The following PBX4 variants were observed in gnomAD, a reference collection of about 807,000 sequenced individuals.
The protein encoded by PBX4 is PBX homeobox 4.
In PBX4, 26 loss-of-function variants were observed where a neutral mutation model predicts 35.1. The ratio of observed to expected loss-of-function variants is 0.74; its 90% CI spans 0.54 to 1.03. PBX4 has a LOEUF of 1.03. Among genes scored for constraint, PBX4 ranks in the 50% least tolerant of loss-of-function variants. The probability of loss-of-function intolerance (pLI) is 0.00; values close to 1 mark genes in which losing one functional copy is unlikely to be tolerated. For synonymous variants in PBX4, 199 were observed against 204.2 expected (o/e 0.97, Z 0.22); for missense variants, 448 against 504.3 (o/e 0.89, Z 1.07).
chr19:19,569,469 C>T lies in PBX4; in HGVS notation c.748G>A (p.Gly250Ser). The T allele has an allele frequency of 6.2e-7, 1 of 1,612,140 alleles. No homozygotes were observed. Among genetic ancestry groups the T allele is most frequent in the Non-Finnish European group, 8.5e-7 (1 of 1,179,148 alleles). ...GTCACCTGGGAGATGGTGAGGCCGC[C>T]CTTCCTGGCCAGCTCTTCTTTGGCT... ...EEAKEELARK[G>S]GLTISQVSNW... Residue 250 changes from glycine (G) to serine (S), a missense_variant, in exon 5 of 8, where the codon GGC becomes AGC. Physicochemically the swap from Gly to Ser is moderately conservative, Grantham distance 56. Coordinates refer to ENST00000251203, the MANE Select transcript of PBX4 (RefSeq NM_025245.3).
rs757291376 is a variant in PBX4, at chr19:19,569,577, G to T, written c.640C>A (p.Arg214=). ...GTCGCCTGCTTGCTGAAATTCCGCC[G>T]CTTGCGCCTGCAAAAACAGCCGCCT... ...RSRLLDARRK[R]RNFSKQATEV... Residue 214 remains arginine (R), a synonymous_variant, in exon 5 of 8, where the codon CGG becomes AGG. Transcript: ENST00000251203. The T allele has an allele frequency of 6.2e-7, 1 of 1,612,942 alleles. No individual in the cohort carries two copies. The highest frequency in any genetic ancestry group is 1.3e-5 in the African/African-American group (1 of 74,972).
chr19:19,572,748 G>C (rs1430938142), intron 2 of PBX4, among the ~76,000 whole-genome samples: 1 of 151,528 alleles, frequency 6.6e-6, no homozygotes, highest in Non-Finnish European at 1.5e-5. Context: ...CAGCTACTTG[G>C]GAGGCTGAGG....
intron 2 of PBX4, among the ~76,000 whole-genome samples, chr19:19,574,513 C>T (rs1468960847): frequency 6.6e-6 from 1 of 152,198 alleles, no homozygotes; most frequent in Non-Finnish European, 1.5e-5. Flanking sequence ...GGACCCTCCT[C>T]ACCGGCTCAC....
chr19:19,617,155 G>A (rs1034608634), intron 1 of PBX4, among the ~76,000 whole-genome samples: 4 of 152,074 alleles, frequency 2.6e-5, no homozygotes, highest in African/African-American at 4.8e-5. Flanking sequence ...TATCCCTACA[G>A]CTTTTATTGC....
At chr19:19,570,479 A>G (rs2144713225) in intron 3 of PBX4, 107 bp downstream of exon 3, 2 of 1,526,436 alleles carry the variant, frequency 1.3e-6, no homozygotes, top group Admixed American at 1.8e-5. Context: ...GACCAACTGC[A>G]TGGACTCCCT....
At chr19:19,588,524 G>A (rs951644157) in intron 2 of PBX4, 3 of 514,020 alleles carry the variant, frequency 5.8e-6, no homozygotes, top group African/African-American at 1.9e-5. Context: ...TGATCTACCC[G>A]CCTCACCCTC....
At position 19,563,489 on chromosome 19, in the gene PBX4, G is replaced by C; in HGVS notation, c.1032+20C>G. On this transcript the variant is annotated intron_variant, in intron 7 of 7. Transcript: ENST00000251203. This position sits in a 1 kb window ranked among gnomAD's most constrained non-coding sequence, Gnocchi z 5.1. ...ACCTACCACCCACCTGGGCGCTGTG[G>C]GACAGTGCCTGAGACTCACCTGGGA... The C allele has an allele frequency of 2.0e-6, 3 of 1,523,298 alleles. No homozygotes were observed. The highest frequency in any genetic ancestry group is 2.7e-6 in the Non-Finnish European group (3 of 1,124,818). The allele number at this position is 1,523,298 out of a possible 1,614,324, so 94.4% of individuals were successfully genotyped here.
At chr19:19,616,526 A>G (rs1315366005) in intron 1 of PBX4, among the ~76,000 whole-genome samples, 1 of 151,982 alleles carries the variant, frequency 6.6e-6, no homozygotes, top group Non-Finnish European at 1.5e-5. Context: ...CATGTTGGCC[A>G]GGCTGGTCTC....
At chr19:19,599,162 T>C (rs1223853072) in intron 2 of PBX4, 130 bp downstream of exon 2, 2 of 690,016 alleles carry the variant, frequency 2.9e-6, no homozygotes, top group Non-Finnish European at 5.0e-6. Flanking sequence ...AGAGACAGGG[T>C]TTCTCCATGT....
chr19:19,580,943 G>A (rs144583694), intron 2 of PBX4, among the ~76,000 whole-genome samples: 2,695 of 152,254 alleles, frequency 0.018, 82 homozygotes, highest in South Asian at 0.11. Flanking sequence ...ATGTTGCCCA[G>A]GCTGGTCTTG....
intron 5 of PBX4, among the ~76,000 whole-genome samples, chr19:19,568,257 C>T: frequency 6.9e-6 from 1 of 144,408 alleles, no homozygotes; most frequent in East Asian, 2.2e-4. Context: ...GCTCACACTC[C>T]ATCTGTAACC....
At chr19:19,586,777 A>G (rs2061491635) in intron 2 of PBX4, among the ~76,000 whole-genome samples, 2 of 151,646 alleles carry the variant, frequency 1.3e-5, no homozygotes, top group Non-Finnish European at 2.9e-5. Flanking sequence ...TAAAAATACA[A>G]AAAATTAGCC....
intron 1 of PBX4, among the ~76,000 whole-genome samples, chr19:19,609,240 T>C (rs1343064427): frequency 6.6e-6 from 1 of 152,086 alleles, no homozygotes; most frequent in African/African-American, 2.4e-5. Context: ...TCTGGCCACT[T>C]GATTCCTTAT....
chr19:19,585,595 C>T lies in PBX4; in HGVS notation c.193+13697G>A, dbSNP rs141832619. Among the ~76,000 whole-genome samples the T allele has an allele frequency of 2.5e-4, 38 of 152,310 alleles. 1 individual carries two copies. In the East Asian group the frequency reaches 6.4e-3, roughly 25 times the overall value. ...GCCATCATATCCCTTGTGACCTGCACGTATACATCCAGATGGCCTGAAGCC... is the reference window on the plus strand; with the variant it reads ...GCCATCATATCCCTTGTGACCTGCATGTATACATCCAGATGGCCTGAAGCC... On this transcript the variant is annotated intron_variant, in intron 2 of 7. Coordinates refer to ENST00000251203, the MANE Select transcript of PBX4 (RefSeq NM_025245.3).
At chr19:19,618,044 C>T (rs1164774758) in intron 1 of PBX4, among the ~76,000 whole-genome samples, 1 of 152,084 alleles carries the variant, frequency 6.6e-6, no homozygotes, top group Non-Finnish European at 1.5e-5. Flanking sequence ...GCCTGTGGTC[C>T]CAGCTACTCG....
Position 19,568,817 on chromosome 19 carries a change from A to ACCCTCAGGGAGCTCACACTCCGTCTGTGT in PBX4, c.768+603_768+631dup, listed in dbSNP as rs934718572. ...TCAGGGAGTTCACACTCTGTCTGTA[A>ACCCTCAGGGAGCTCACACTCCGTCTGTGT]CCCTCAGGGAGCTCACACTCCGTCT... is the stretch of plus-strand genomic sequence containing the variant. On this transcript the variant is annotated intron_variant, in intron 5 of 7. Transcript: ENST00000251203. Among the ~76,000 whole-genome samples, 1,081 of 115,000 alleles carry ACCCTCAGGGAGCTCACACTCCGTCTGTGT rather than the reference A, an allele frequency of 9.4e-3. 41 individuals are homozygous for ACCCTCAGGGAGCTCACACTCCGTCTGTGT. The highest frequency in any genetic ancestry group is 0.069 in the Admixed American group (840 of 12,232). The allele number at this position is 115,000 out of a possible 152,430, so 75.4% of individuals were successfully genotyped here.
intron 2 of PBX4, among the ~76,000 whole-genome samples, chr19:19,577,810 G>C (rs1223738279): frequency 1.3e-5 from 2 of 151,680 alleles, no homozygotes; most frequent in East Asian, 1.9e-4. Flanking sequence ...AGTGAGCTGA[G>C]ATCGCGCCAG....
At chr19:19,600,571 C>T (rs574149987) in intron 1 of PBX4, among the ~76,000 whole-genome samples, 31 of 151,618 alleles carry the variant, frequency 2.0e-4, no homozygotes, top group Admixed American at 7.9e-4. Context: ...GTAATCCCAG[C>T]ACTTTGGGCG....
chr19:19,595,307 G>GTGGA (rs1275331201), intron 2 of PBX4, among the ~76,000 whole-genome samples: 1 of 152,132 alleles, frequency 6.6e-6, no homozygotes, highest in African/African-American at 2.4e-5. Context: ...TCTCCAGGGG[G>GTGGA]TGGATACACA....
Sources: gnomAD v4.1 joint callset for allele counts (sites outside exome capture counted in the v4.1 genomes callset) on GRCh38, gnomAD v4.1.1 for gene constraint, Gnocchi (gnomAD v3.1) non-coding constraint, MANE v1.5 for transcripts, NCBI Gene and HGNC (gene_info 2026-07-23, HGNC 2026-07-21) for gene names.